The following TMEM116 variants were observed in gnomAD, a reference collection of about 807,000 sequenced individuals.
The protein encoded by TMEM116 is transmembrane protein 116.
Under a neutral mutation model 44.3 loss-of-function variants are expected in TMEM116, and 38 were observed. The ratio of observed to expected loss-of-function variants is 0.86; its 90% CI spans 0.66 to 1.12. TMEM116 has a LOEUF of 1.12. TMEM116 is among the 50% of genes most tolerant of loss of function. TMEM116 has a pLI of 0.00. For missense variants in TMEM116, 354 were observed against 401.7 expected (o/e 0.88, Z 1.01); for synonymous variants, 132 against 144.8 (o/e 0.91, Z 0.64).
At chr12:111,935,677 C>CCT (rs1196572505) in intron 8 of TMEM116, 1 of 129,106 alleles carries the variant, frequency 7.7e-6, no homozygotes, top group East Asian at 3.6e-4. Flanking sequence ...GACAGAGTAT[C>CCT]CTCTGTTGCC....
chr12:111,971,007 A>C (rs188915942), intron 4 of TMEM116, among the ~76,000 whole-genome samples: 2 of 152,342 alleles, frequency 1.3e-5, no homozygotes, highest in East Asian at 3.9e-4. Flanking sequence ...AAAACAATGC[A>C]AGCAAAAAGT....
At chr12:111,966,267 C>T (rs575801750) in intron 4 of TMEM116, among the ~76,000 whole-genome samples, 34 of 152,112 alleles carry the variant, frequency 2.2e-4, no homozygotes, top group Non-Finnish European at 4.3e-4. Context: ...GATTGCACCA[C>T]TGCACTCCAG....
chr12:111,979,396 A>G (rs553711748), intron 4 of TMEM116, among the ~76,000 whole-genome samples: 1 of 152,318 alleles, frequency 6.6e-6, no homozygotes, highest in African/African-American at 2.4e-5. Flanking sequence ...AAAATGTTAC[A>G]CATATCGTAT....
intron 7 of TMEM116, 49 bp downstream of exon 7, chr12:111,937,111 C>G: frequency 6.7e-7 from 1 of 1,491,766 alleles, no homozygotes; most frequent in Non-Finnish European, 9.3e-7. Context: ...TTTATAGAAA[C>G]AAATAGGTGT....
intron 3 of TMEM116, among the ~76,000 whole-genome samples, chr12:112,002,042 T>A (rs1323085145): frequency 6.6e-6 from 1 of 152,150 alleles, no homozygotes; most frequent in African/African-American, 2.4e-5. Flanking sequence ...ATAATATCCA[T>A]CTCAAAGTTT....
At chr12:112,005,170 A>G in intron 2 of TMEM116, 87 bp downstream of exon 2, 1 of 921,278 alleles carries the variant, frequency 1.1e-6, no homozygotes, top group Non-Finnish European at 1.5e-6. Flanking sequence ...GAGTAAAAGC[A>G]AATCCCCAAG....
At chr12:111,965,933 C>T (rs2074950622) in intron 4 of TMEM116, among the ~76,000 whole-genome samples, 1 of 151,682 alleles carries the variant, frequency 6.6e-6, no homozygotes, top group Non-Finnish European at 1.5e-5. Flanking sequence ...GAGACTTTGT[C>T]TCAATAAATA....
chr12:111,969,958 G>A (rs959311369), intron 4 of TMEM116, among the ~76,000 whole-genome samples: 1 of 152,070 alleles, frequency 6.6e-6, no homozygotes, highest in Non-Finnish European at 1.5e-5. Flanking sequence ...ACTTCAAAGT[G>A]TAGCAATAGA....
chr12:111,932,089 C>T (rs1288886905), intron 10 of TMEM116, among the ~76,000 whole-genome samples: 1 of 152,016 alleles, frequency 6.6e-6, no homozygotes, highest in Non-Finnish European at 1.5e-5. Context: ...CCCTTATTGC[C>T]TCATTTTCCA....
At chr12:112,008,211 G>A (rs560100474) in intron 1 of TMEM116, among the ~76,000 whole-genome samples, 5 of 152,106 alleles carry the variant, frequency 3.3e-5, no homozygotes, top group African/African-American at 7.2e-5. Context: ...GGCTGGGCGC[G>A]GTGGCTCACA....
At chr12:112,008,442 T>C (rs12319718) in intron 1 of TMEM116, among the ~76,000 whole-genome samples, 23,650 of 150,802 alleles carry the variant, frequency 0.16, 2,469 homozygotes, top group African/African-American at 0.3. Flanking sequence ...ATCATGCCAC[T>C]GCACTCCAGC....
chr12:111,999,189 A>T (rs1027882975), intron 3 of TMEM116, among the ~76,000 whole-genome samples: 10 of 151,144 alleles, frequency 6.6e-5, no homozygotes, highest in African/African-American at 1.2e-4. Flanking sequence ...AAAAACTCTT[A>T]AAAAAAAACC....
At chr12:111,954,338 C>G (rs1440502619) in intron 4 of TMEM116, among the ~76,000 whole-genome samples, 1 of 152,062 alleles carries the variant, frequency 6.6e-6, no homozygotes, top group Non-Finnish European at 1.5e-5. Flanking sequence ...TTTCTATTGC[C>G]AGGCAGATGC....
chr12:112,001,834 A>T (rs2077275865), intron 3 of TMEM116, among the ~76,000 whole-genome samples: 1 of 152,246 alleles, frequency 6.6e-6, no homozygotes, highest in African/African-American at 2.4e-5. Context: ...TTACACAGTC[A>T]CAATCTACCA....
intron 6 of TMEM116, 30 bp from the exon 7 acceptor site, chr12:111,937,273 A>C (rs1211244440): frequency 6.4e-7 from 1 of 1,557,926 alleles, no homozygotes; most frequent in Non-Finnish European, 8.8e-7. Context: ...TCACCCTAAT[A>C]TCCACTCTTT....
chr12:112,006,689 G>A (rs907328979), intron 1 of TMEM116, among the ~76,000 whole-genome samples: 9 of 152,072 alleles, frequency 5.9e-5, no homozygotes, highest in African/African-American at 1.7e-4. Flanking sequence ...AATGATTTGC[G>A]CACAGCAAGA....
intron 3 of TMEM116, among the ~76,000 whole-genome samples, chr12:111,996,930 G>T (rs900616942): frequency 6.6e-6 from 1 of 152,154 alleles, no homozygotes; most frequent in East Asian, 1.9e-4. Context: ...AAAACAATAC[G>T]TACAAAAATA....
chr12:112,009,535 T>TA (rs35585213), intron 1 of TMEM116, among the ~76,000 whole-genome samples: 20,015 of 125,320 alleles, frequency 0.16, 2,013 homozygotes, highest in African/African-American at 0.3. Flanking sequence ...TGGGTTTACT[T>TA]AAAAAAAAAA....
intron 3 of TMEM116, among the ~76,000 whole-genome samples, chr12:111,992,708 C>A (rs759453796): frequency 6.6e-5 from 10 of 152,160 alleles, no homozygotes; most frequent in Non-Finnish European, 1.5e-4. Flanking sequence ...GTATGTGTTG[C>A]CTTTCGGTTT....
Sources: gnomAD v4.1 joint callset for allele counts (sites outside exome capture counted in the v4.1 genomes callset) on GRCh38, gnomAD v4.1.1 for gene constraint, MANE v1.5 for transcripts, NCBI Gene and HGNC (gene_info 2026-07-23, HGNC 2026-07-21) for gene names.